Variants in MYBPC3 observed in about 807,000 individuals in gnomAD.
The protein encoded by MYBPC3 is myosin binding protein C3, also known as myosin-binding protein C, cardiac-type.
Under a neutral mutation model 159.3 loss-of-function variants are expected in MYBPC3, and 108 were observed. The observed-to-expected ratio is 0.68, with a 90% CI of 0.58 to 0.80. MYBPC3 has a LOEUF of 0.80. Ranked by LOEUF, MYBPC3 falls within the 30% of genes least tolerant of loss-of-function variation. The probability of loss-of-function intolerance (pLI) is 0.00; values close to 1 mark genes in which losing one functional copy is unlikely to be tolerated. For missense variants in MYBPC3, 1,631 were observed against 1,762.1 expected, an observed-to-expected ratio of 0.93 and a Z score of 1.33; for synonymous variants, 730 against 702.0, an observed-to-expected ratio of 1.04 and a Z score of -0.63.
rs370245341 is a variant in MYBPC3 at position 47,347,037 on chromosome 11, A to G, written c.906-8T>C. 1 of 810,348 alleles carries G rather than the reference A, an allele frequency of 1.2e-6. No individual in the cohort carries two copies. The highest frequency in any genetic ancestry group is 2.2e-6 in the Non-Finnish European group (1 of 458,946). The allele number at this position is 810,348 out of a possible 1,614,324, so 50.2% of individuals were successfully genotyped here. A position where few individuals can be genotyped will look rare whatever the true frequency, so the allele number is the denominator to read the frequency against. ...GACCCCGATTCTTACTCTCTGGGCC[A>G]CAGCAGCAGCAGCCATAATGGAGGG... On this transcript the variant is annotated splice_region_variant and splice_polypyrimidine_tract_variant and intron_variant, in intron 9 of 34. Transcript: ENST00000545968.
chr11:47,334,659 C>A (rs1278650550), intron 27 of MYBPC3, among the ~76,000 whole-genome samples: 1 of 152,134 alleles, frequency 6.6e-6, no homozygotes, highest in Non-Finnish European at 1.5e-5. Context: ...CTCCCGGGTC[C>A]AAGCGATTCT....
chr11:47,347,651 C>G lies in MYBPC3; in HGVS notation c.851G>C (p.Ser284Thr). 1.3e-6 allele frequency: 2 copies of G among 1,574,298 alleles called. No individual in the cohort carries two copies. Among genetic ancestry groups the G allele is most frequent in the South Asian group, 2.3e-5 (2 of 85,758 alleles). ...CAGGTAGGGCCTGGGGCAGGGGTAC[C>G]TGATCCGCCGACCACCTCCAGCCAG... Reference protein sequence around the residue: ...TSLAGGGRRISDSHEDTGILD... With the variant: ...TSLAGGGRRITDSHEDTGILD... The change falls in exon 8 of 35, where the codon AGT becomes ACT. Residue 284 changes from serine to threonine, a missense_variant and splice_region_variant. By Grantham distance (58) the Ser-to-Thr change is moderately conservative. Coordinates refer to ENST00000545968, the MANE Select transcript of MYBPC3 (RefSeq NM_000256.3).
rs769123745 is a variant in MYBPC3 at position 47,339,806 on chromosome 11, T to C, written c.1928-16A>G. The C allele has an allele frequency of 4.4e-6, 7 of 1,607,912 alleles. No individual in the cohort carries two copies. The highest frequency in any genetic ancestry group is 2.7e-5 in the African/African-American group (2 of 74,772). On this transcript the variant is annotated splice_polypyrimidine_tract_variant and intron_variant, in intron 20 of 34. Coordinates refer to ENST00000545968, the MANE Select transcript of MYBPC3 (RefSeq NM_000256.3). ...TTGGGAGGTTCTGCAGAAGACACAATGTAGTTCAGAGAAACGGGAGAGCCA... is the reference window on the plus strand; with the variant it reads ...TTGGGAGGTTCTGCAGAAGACACAACGTAGTTCAGAGAAACGGGAGAGCCA...
chr11:47,345,091 G>A (rs1278721260), intron 12 of MYBPC3, among the ~76,000 whole-genome samples: 1 of 152,202 alleles, frequency 6.6e-6, no homozygotes, highest in Non-Finnish European at 1.5e-5. Context: ...CACCTGGCCA[G>A]CAATTTGCTC....
rs2095877454 is a variant in MYBPC3, at chr11:47,332,023, G to A, written c.3814+49C>T. 1 of 1,599,148 alleles carries A rather than the reference G, an allele frequency of 6.3e-7. No homozygotes were observed. The highest frequency in any genetic ancestry group is 8.5e-7 in the Non-Finnish European group (1 of 1,171,900). The stretch of plus-strand genomic sequence containing the variant: ...CGGAGCAAAGCCCAGGGTCCCCACT[G>A]CCGCCCGCTCTTCCCATCTCCCAGG... On this transcript the variant is annotated intron_variant, in intron 33 of 34. Transcript: ENST00000545968. This position sits in a 1 kb window ranked among gnomAD's most constrained non-coding sequence, Gnocchi z 4.2.
At chr11:47,336,115 C>G (rs1249020628) in intron 25 of MYBPC3, 104 bp from the exon 26 acceptor site, 1 of 1,154,276 alleles carries the variant, frequency 8.7e-7, no homozygotes, top group Non-Finnish European at 1.1e-6. Context: ...GGGGCACTTC[C>G]TGTTCAGCTG....
chr11:47,335,525 C>T (rs938034474), intron 26 of MYBPC3: 1 of 283,526 alleles, frequency 3.5e-6, no homozygotes, highest in African/African-American at 2.2e-5. Context: ...CGGGGTTTCT[C>T]CACGTTGGTC....
rs1249037255 is a variant in MYBPC3, at chr11:47,347,510, G to A, written c.852-31C>T. The A allele has an allele frequency of 1.3e-5, 21 of 1,586,788 alleles. 1 individual carries two copies. The East Asian group carries it at 4.8e-4, about 36-fold the overall frequency. On this transcript the variant is annotated intron_variant, in intron 8 of 34. Coordinates refer to ENST00000545968, the MANE Select transcript of MYBPC3 (RefSeq NM_000256.3). ...GAGAGGGACCCCCAGTGAGGCTGCA[G>A]TGAGGGACTGGAAAGGGATTAGGAG...
chr11:47,331,761 C>T (rs1403154492), intron 34 of MYBPC3, 45 bp from the exon 35 acceptor site: 1 of 1,382,322 alleles, frequency 7.2e-7, no homozygotes, highest in Non-Finnish European at 9.9e-7. Context: ...GCCCCTACAG[C>T]CTCCCATTTA....
At chr11:47,348,928 T>TATATATATATATATATATATATATATATA (rs1424143680) in intron 5 of MYBPC3, among the ~76,000 whole-genome samples, 4 of 9,910 alleles carry the variant, frequency 4.0e-4, no homozygotes, top group Non-Finnish European at 6.7e-4. Flanking sequence ...ATATATATAT[T>TATATATATATATATATATATATATATATA]TAAAGGAGGC....
Position 47,335,196 on chromosome 11 carries a change from C to A in MYBPC3, c.2751G>T (p.Val917=). 6.3e-7 allele frequency: 1 copy of A among 1,599,722 alleles called. No homozygotes were observed. Among genetic ancestry groups the A allele is most frequent in the South Asian group, 1.1e-5 (1 of 89,028 alleles). ...GCTCTGTCAGCCCCTGCAGGGCAGC[C>A]ACCCACTCTGAGCCTGGGGGTGGGG... ...EYCPEGCSEW[V]AALQGLTEHT... The change falls in exon 27 of 35, where the codon GTG becomes GTT. Residue 917 remains valine, a synonymous_variant. Transcript: ENST00000545968.
In MYBPC3 at chr11:47,332,842, G is replaced by A. The variant is rs2142850233; in HGVS notation, c.3462C>T (p.Thr1154=). The A allele has an allele frequency of 6.2e-7, 1 of 1,607,400 alleles. No homozygotes were observed. The highest frequency in any genetic ancestry group is 8.5e-7 in the Non-Finnish European group (1 of 1,177,026). The part of the protein sequence containing the change: ...MVGFSDRAAT[T]KEPVFIPRPG... ...GTCTGGGGATAAAGACGGGCTCCTT[G>A]GTGGTGGCCGCTCTGTCACTAAAGC... The change falls in exon 31 of 35, where the codon ACC becomes ACT. Residue 1154 remains threonine (T), a synonymous_variant. Transcript: ENST00000545968. The surrounding 1 kb of genome is among the most constrained non-coding windows in gnomAD (Gnocchi z 4.2).
intron 25 of MYBPC3, 142 bp from the exon 26 acceptor site, chr11:47,336,153 G>A: frequency 1.2e-6 from 1 of 855,472 alleles, no homozygotes; most frequent in Non-Finnish European, 1.6e-6. Context: ...GGAATATTTT[G>A]TCCCTGTTAC....
chr11:47,340,145 A>C (rs1413754133), intron 20 of MYBPC3, among the ~76,000 whole-genome samples: 2 of 152,052 alleles, frequency 1.3e-5, no homozygotes, highest in Admixed American at 6.6e-5. Flanking sequence ...GCATATACAC[A>C]TACACACAGA....
chr11:47,334,120 G>T, intron 27 of MYBPC3, 110 bp from the exon 28 acceptor site: 1 of 1,092,280 alleles, frequency 9.2e-7, no homozygotes, highest in South Asian at 1.5e-5. Context: ...TAAGAAAAAA[G>T]CTGCCTGCTG....
intron 9 of MYBPC3, 137 bp downstream of exon 9, chr11:47,347,289 C>T: frequency 6.6e-7 from 1 of 1,519,100 alleles, no homozygotes; most frequent in Non-Finnish European, 8.8e-7. Context: ...ACACTGGGAT[C>T]ATCCCCTCGA....
In MYBPC3 at chr11:47,352,533, C is replaced by A. The variant is rs1434382725; in HGVS notation, c.25+90G>T. 2.6e-6 allele frequency: 4 copies of A among 1,529,472 alleles called. No homozygotes were observed. The South Asian group carries it at 3.6e-5, about 14-fold the overall frequency. The allele number at this position is 1,529,472 out of a possible 1,614,324, so 94.7% of individuals were successfully genotyped here. On this transcript the variant is annotated intron_variant, in intron 1 of 34. Transcript: ENST00000545968. Reference sequence around the variant, plus strand: ...GGCTCAGAGGCCACGTCCTCGTCAACCCCCTCAAGAACTCCCTCCTAGCCC... The same window carrying A: ...GGCTCAGAGGCCACGTCCTCGTCAAACCCCTCAAGAACTCCCTCCTAGCCC...
At chr11:47,343,324 G>GGA (rs1310054838) in intron 13 of MYBPC3, 62 bp from the exon 14 acceptor site, 6 of 1,515,668 alleles carry the variant, frequency 4.0e-6, no homozygotes, top group Admixed American at 2.1e-5. Context: ...CGAGACAAAA[G>GGA]GAGAGAGAGA....
chr11:47,344,206 A>G (rs1278277103), intron 12 of MYBPC3, among the ~76,000 whole-genome samples: 1 of 152,184 alleles, frequency 6.6e-6, no homozygotes, highest in African/African-American at 2.4e-5. Flanking sequence ...GCTTCCAGAA[A>G]GACAGAAGCT....
Sources: gnomAD v4.1 joint callset for allele counts (sites outside exome capture counted in the v4.1 genomes callset) on GRCh38, gnomAD v4.1.1 for gene constraint, Gnocchi (gnomAD v3.1) non-coding constraint, MANE v1.5 for transcripts, NCBI Gene and HGNC (gene_info 2026-07-23, HGNC 2026-07-21) for gene names.